Variants in PER1 observed in about 807,000 individuals in gnomAD.
PER1 encodes period circadian regulator 1, also known as period circadian protein homolog 1.
Under a neutral mutation model 125.9 loss-of-function variants are expected in PER1, and 87 were observed. That is an observed-to-expected ratio of 0.69 (90% CI 0.58 to 0.83). The LOEUF (loss-of-function observed/expected upper bound fraction) is 0.83, where lower values mean the gene tolerates loss of function less well. PER1 is among the 40% of genes least tolerant of loss of function. The pLI, the probability that PER1 is intolerant of heterozygous loss-of-function variation, is 0.00. For synonymous variants in PER1, 801 were observed against 714.7 expected (o/e 1.12, Z -1.93); for missense variants, 1,775 against 1,722.8 (o/e 1.03, Z -0.54).
Position 8,144,976 on chromosome 17 carries a change from C to A in PER1, c.2236G>T (p.Asp746Tyr). The A allele has an allele frequency of 1.3e-6, 2 of 1,495,704 alleles. No homozygotes were observed. Among genetic ancestry groups the A allele is most frequent in the Non-Finnish European group, 1.8e-6 (2 of 1,122,754 alleles). 92.7% of individuals were successfully genotyped at this position (1,495,704 alleles called of 1,614,324 possible). A position where few individuals can be genotyped will look rare whatever the true frequency, so the allele number is the denominator to read the frequency against. ...PPESDIIMME[D>Y]LPGLAPGPAP... ...GGGCCTGGGGCTAGGCCAGGCAGGT[C>A]CTCCATCATGATGATGTCTGAGGAG... The change falls in exon 18 of 23, where the codon GAC becomes TAC. Residue 746 changes from aspartate to tyrosine, a missense_variant. Physicochemically the swap from Asp to Tyr is radical, Grantham distance 160. Coordinates refer to ENST00000317276, the MANE Select transcript of PER1 (RefSeq NM_002616.3).
At chr17:8,146,851 G>T in intron 14 of PER1, 46 bp downstream of exon 14, 6 of 1,603,588 alleles carry the variant, frequency 3.7e-6, no homozygotes, top group Non-Finnish European at 5.1e-6. Context: ...AAGGTCAGGG[G>T]ACCCCCCAGG....
At position 8,142,058 on chromosome 17, in the gene PER1, T is replaced by C. The variant is rs906395059; in HGVS notation, c.3450-103A>G. 1.6e-5 allele frequency: 23 copies of C among 1,474,338 alleles called. No homozygotes were observed. The Admixed American group carries it at 2.9e-4, about 18-fold the overall frequency. 91.3% of individuals were successfully genotyped at this position (1,474,338 alleles called of 1,614,324 possible). ...TCTACCACAGCTTCCCACCTCATGC[T>C]CCTCCCCTAAACTAGTGCTATGCGA... On this transcript the variant is annotated intron_variant, in intron 21 of 22. Coordinates refer to ENST00000317276, the MANE Select transcript of PER1 (RefSeq NM_002616.3).
chr17:8,147,928 A>C (rs1598254397), intron 10 of PER1, 69 bp downstream of exon 10: 1 of 1,583,426 alleles, frequency 6.3e-7, no homozygotes, highest in Non-Finnish European at 8.6e-7. Context: ...ACCAAGAGAC[A>C]CAACCACAAG....
Position 8,149,213 on chromosome 17 carries a change from CAAAAAAA to C in PER1, c.905+39_905+45del, listed in dbSNP as rs78404230. ...CAAAAAGCAAAAACAAAAACAAAAA[CAAAAAAA>C]AAAGGAGGCAGAGGTCTTCTCCAGT... On this transcript the variant is annotated intron_variant, in intron 7 of 22. Transcript: ENST00000317276. 1.8e-5 allele frequency: 7 copies of C among 381,030 alleles called. No individual in the cohort carries two copies. The South Asian group carries it at 2.2e-4, about 12-fold the overall frequency. 23.6% of individuals were successfully genotyped at this position (381,030 alleles called of 1,614,324 possible).
Position 8,149,963 on chromosome 17 carries a change from C to T in PER1, c.529+8G>A, listed in dbSNP as rs1982732841. 1.2e-6 allele frequency: 2 copies of T among 1,613,376 alleles called. No individual in the cohort carries two copies. The highest frequency in any genetic ancestry group is 1.3e-5 in the African/African-American group (1 of 74,924). On this transcript the variant is annotated splice_region_variant and intron_variant, in intron 4 of 22. Coordinates refer to ENST00000317276, the MANE Select transcript of PER1 (RefSeq NM_002616.3). ...CCAGGCCATTCCCTCTTGGGACACA[C>T]CACTTACCCTGCACCTGCTTGACAC...
In PER1 at chr17:8,140,774, G is replaced by C. The variant is rs937045144; in HGVS notation, c.*294C>G. 29 of 381,254 alleles carry C rather than the reference G, an allele frequency of 7.6e-5. No homozygotes were observed. The highest frequency in any genetic ancestry group is 5.1e-4 in the African/African-American group (26 of 50,834). 23.6% of individuals were successfully genotyped at this position (381,254 alleles called of 1,614,324 possible). Reference sequence around the variant, plus strand: ...CAGATTCAGGCTCAGCTGGAATATGGAGAGGCCACTTCAGCAGCTTGTCAG... The same window carrying C: ...CAGATTCAGGCTCAGCTGGAATATGCAGAGGCCACTTCAGCAGCTTGTCAG... On this transcript the variant is annotated 3_prime_UTR_variant, in exon 23 of 23. Coordinates refer to ENST00000317276, the MANE Select transcript of PER1 (RefSeq NM_002616.3).
chr17:8,143,855 G>T lies in PER1; in HGVS notation c.2483C>A (p.Pro828His), dbSNP rs773352334. 6.2e-7 allele frequency: 1 copy of T among 1,611,504 alleles called. No homozygotes were observed. The highest frequency in any genetic ancestry group is 1.7e-4 in the Middle Eastern group (1 of 6,012). ...TCGGCAGTGGTGTCGGCGGCTTGGG[G>T]GTGCGGGGCCGTGGTGGCAGCCTGT... ...GERGCHHGPAPPSRRHHCRSK... is the reference protein window; with the variant it reads ...GERGCHHGPAHPSRRHHCRSK... Residue 828 changes from proline (P) to histidine (H), a missense_variant, in exon 19 of 23, where the codon CCC becomes CAC. Pro to His is a moderately conservative substitution (Grantham distance 77). Transcript: ENST00000317276.
chr17:8,148,762 C>A lies in PER1; in HGVS notation c.930G>T (p.Gly310=). 1 of 1,613,730 alleles carries A rather than the reference C, an allele frequency of 6.2e-7. No homozygotes were observed. Among genetic ancestry groups the A allele is most frequent in the South Asian group, 1.1e-5 (1 of 91,022 alleles). ...RIRGGPDRDP[G]PRYQPFRLTP... is the part of the protein sequence containing the mutation. ...TTAGGCGGAATGGCTGGTACCGAGG[C>A]CCTGGATCCCGGTCAGGACCTCCTC... Residue 310 remains glycine (G), a synonymous_variant, in exon 8 of 23, where the codon GGG becomes GGT. Coordinates refer to ENST00000317276, the MANE Select transcript of PER1 (RefSeq NM_002616.3).
intron 17 of PER1, 129 bp downstream of exon 17, chr17:8,145,829 C>T (rs1982395607): frequency 1.9e-6 from 2 of 1,055,178 alleles, no homozygotes; most frequent in Non-Finnish European, 2.7e-6. Flanking sequence ...AAGCAGTAGC[C>T]CCAAGCCCCA....
intron 20 of PER1, 57 bp downstream of exon 20, chr17:8,142,592 C>A (rs971686722): frequency 2.9e-5 from 47 of 1,593,320 alleles, no homozygotes; most frequent in Non-Finnish European, 3.8e-5. Context: ...GGGGCCTGGG[C>A]TCCCGGCTCC....
Position 8,142,752 on chromosome 17 carries a change from G to T in PER1, c.3156C>A (p.Arg1052=). 1 of 1,613,940 alleles carries T rather than the reference G, an allele frequency of 6.2e-7. No individual in the cohort carries two copies. The highest frequency in any genetic ancestry group is 8.5e-7 in the Non-Finnish European group (1 of 1,180,008). The change falls in exon 20 of 23, where the codon CGC becomes CGA. Residue 1052 remains arginine, a synonymous_variant. Transcript: ENST00000317276. ...CCGAGGCTGCGGAGCCTGTGCCGGA[G>T]CGCGAGTCCTCTTGCAGCAGAAGTT... ...LLELLLQEDS[R]SGTGSAASGS...
At chr17:8,142,015 T>A in intron 21 of PER1, 60 bp from the exon 22 acceptor site, 1 of 1,602,024 alleles carries the variant, frequency 6.2e-7, no homozygotes, top group East Asian at 2.2e-5. Flanking sequence ...CCAGGACCCA[T>A]GAAGCTGGCA....
Position 8,141,173 on chromosome 17 carries a change from G to C in PER1, c.3768C>G (p.Gly1256=). 6.2e-7 allele frequency: 1 copy of C among 1,614,110 alleles called. No individual in the cohort carries two copies. Among genetic ancestry groups the C allele is most frequent in the Non-Finnish European group, 8.5e-7 (1 of 1,180,006 alleles). The part of the protein sequence containing the change: ...GEGEGCEEAQ[G]GAKASSSQDL... The stretch of plus-strand genomic sequence containing the variant: ...CCTGAGAGCTTGAAGCCTTGGCCCC[G>C]CCTTGGGCCTCCTCGCAGCCCTCTC... The change falls in exon 23 of 23, where the codon GGC becomes GGG. Residue 1256 remains glycine, a synonymous_variant. Coordinates refer to ENST00000317276, the MANE Select transcript of PER1 (RefSeq NM_002616.3).
At position 8,147,329 on chromosome 17, in the gene PER1, G is replaced by C; in HGVS notation, c.1550C>G (p.Ser517Cys). 6.2e-7 allele frequency: 1 copy of C among 1,613,670 alleles called. No individual in the cohort carries two copies. The highest frequency in any genetic ancestry group is 8.5e-7 in the Non-Finnish European group (1 of 1,179,908). ...CCCAGGGCTGTGGAGAGGGCCTGGGGATGTCACGGCGCCGACTCCACAGAG... is the reference window on the plus strand; with the variant it reads ...CCCAGGGCTGTGGAGAGGGCCTGGGCATGTCACGGCGCCGACTCCACAGAG... ...TGLCGVGAVTSPGPLHSPGSS... is the reference protein window; with the variant it reads ...TGLCGVGAVTCPGPLHSPGSS... The change falls in exon 13 of 23, where the codon TCC (serine) becomes TGC (cysteine). Residue 517 changes from serine (S) to cysteine (C), a missense_variant. Ser to Cys is a moderately radical substitution (Grantham distance 112). Coordinates refer to ENST00000317276, the MANE Select transcript of PER1 (RefSeq NM_002616.3).
In PER1 at chr17:8,143,821, G is replaced by C. The variant is rs537459588; in HGVS notation, c.2517C>G (p.Ala839=). The change falls in exon 19 of 23, where the codon GCC becomes GCG. Residue 839 remains alanine (A), a synonymous_variant. Transcript: ENST00000317276. ...PSRRHHCRSK[A]KRSRHHQNPR... The stretch of plus-strand genomic sequence containing the variant: ...GGTTCTGGTGGTGGCGTGAGCGCTT[G>C]GCTTTGGATCGGCAGTGGTGTCGGC... The C allele has an allele frequency of 2.5e-4, 409 of 1,612,892 alleles. 7 individuals are homozygous for C. The South Asian group carries it at 4.3e-3, about 17-fold the overall frequency.
chr17:8,148,784 C>T lies in PER1; in HGVS notation c.908G>A (p.Gly303Glu). Residue 303 changes from glycine (G) to glutamate (E), a missense_variant and splice_region_variant, in exon 8 of 23, where the codon GGA (glycine) becomes GAA (glutamate). By Grantham distance (98) the Gly-to-Glu change is moderately conservative. Transcript: ENST00000317276. ...AGGCCCTGGATCCCGGTCAGGACCT[C>T]CTCTAGCAAAGGAGAGAGGAGCATT... ...QEKSVFCRIRGGPDRDPGPRY... is the reference protein window; with the variant it reads ...QEKSVFCRIREGPDRDPGPRY... 1 of 1,613,420 alleles carries T rather than the reference C, an allele frequency of 6.2e-7. No homozygotes were observed. The highest frequency in any genetic ancestry group is 8.5e-7 in the Non-Finnish European group (1 of 1,179,752).
intron 7 of PER1, 126 bp from the exon 8 acceptor site, chr17:8,148,912 G>A: frequency 1.8e-6 from 2 of 1,124,270 alleles, no homozygotes; most frequent in Non-Finnish European, 2.5e-6. Flanking sequence ...AGGTAGGCCG[G>A]GCACGGTGGC....
chr17:8,149,368 G>T (rs1454109284), intron 6 of PER1, 58 bp from the exon 7 acceptor site: 3 of 1,607,004 alleles, frequency 1.9e-6, no homozygotes, highest in Admixed American at 1.7e-5. Flanking sequence ...AGGCTGCGAA[G>T]AATCCACTAA....
Position 8,142,283 on chromosome 17 carries a change from G to C in PER1, c.3435C>G (p.Tyr1145Ter). 1 of 1,600,638 alleles carries C rather than the reference G, an allele frequency of 6.2e-7. No individual in the cohort carries two copies. The highest frequency in any genetic ancestry group is 8.5e-7 in the Non-Finnish European group (1 of 1,173,574). Residue 1145 changes from tyrosine (Y) to a stop codon, truncating the protein, a stop_gained, in exon 21 of 23, where the codon TAC becomes TAG. Transcript: ENST00000317276. LOFTEE classifies it high-confidence loss of function. The stretch of plus-strand genomic sequence containing the variant: ...AAATGCCTCACCTGGAGGGCACCTG[G>C]TAGGTCATCATGACGCGCTGGTCAG... ...ANADQRVMMT[Y>*]QVPSRDMTSV...
Sources: allele counts gnomAD v4.1 joint callset, GRCh38; gene constraint gnomAD v4.1.1; transcripts MANE v1.5; gene names NCBI Gene and HGNC (gene_info 2026-07-23, HGNC 2026-07-21).